The following PCDHA5 variants were observed in gnomAD, a reference collection of about 807,000 sequenced individuals.
The protein encoded by PCDHA5 is protocadherin alpha 5.
Under a neutral mutation model 61.6 loss-of-function variants are expected in PCDHA5, and 43 were observed. The observed-to-expected ratio is 0.70, with a 90% CI of 0.55 to 0.90. PCDHA5 has a LOEUF of 0.90. PCDHA5 is among the 40% of genes least tolerant of loss of function. The probability of loss-of-function intolerance (pLI) is 0.00; values close to 1 mark genes in which losing one functional copy is unlikely to be tolerated. For missense variants in PCDHA5, 1,298 were observed against 1,222.7 expected, an observed-to-expected ratio of 1.06 and a Z score of -0.92; for synonymous variants, 627 against 543.9, an observed-to-expected ratio of 1.15 and a Z score of -2.13.
intron 1 of PCDHA5, chr5:140,857,146 CGTCATTGCCCT>C: frequency 6.3e-7 from 1 of 1,598,132 alleles, no homozygotes; most frequent in Non-Finnish European, 8.6e-7. Context: ...AAGTGGGCAC[CGTCATTGCCCT>C]AATCAGCGTT....
At chr5:140,978,924 GA>G (rs781894146) in intron 1 of PCDHA5, 24 bp from the exon 2 acceptor site, 202 of 1,613,894 alleles carry the variant, frequency 1.3e-4, no homozygotes, top group Middle Eastern at 6.6e-4. Context: ...CATTTTAACA[GA>G]AAACTCTCTT....
At chr5:140,878,806 G>A (rs1413152690) in intron 1 of PCDHA5, among the ~76,000 whole-genome samples, 1 of 152,144 alleles carries the variant, frequency 6.6e-6, no homozygotes, top group African/African-American at 2.4e-5. Context: ...AAAAACATAT[G>A]GGGGTCTTGC....
At chr5:140,944,718 G>A (rs1554216523) in intron 1 of PCDHA5, among the ~76,000 whole-genome samples, 1 of 152,088 alleles carries the variant, frequency 6.6e-6, no homozygotes, top group East Asian at 1.9e-4. Flanking sequence ...TTTTGCCTTT[G>A]AACACCTTAG....
chr5:140,852,585 T>TTA (rs1554145908), intron 1 of PCDHA5: 28 of 874,450 alleles, frequency 3.2e-5, no homozygotes, highest in Admixed American at 6.4e-5. Flanking sequence ...CTTTTTTATT[T>TTA]TTTTTTTTTG....
At chr5:140,979,865 G>C (rs2096867408) in intron 2 of PCDHA5, among the ~76,000 whole-genome samples, 1 of 152,162 alleles carries the variant, frequency 6.6e-6, no homozygotes, top group Non-Finnish European at 1.5e-5. Flanking sequence ...CAAAATATCT[G>C]GGCAACTATC....
At chr5:140,925,969 A>C (rs2082842050) in intron 1 of PCDHA5, among the ~76,000 whole-genome samples, 1 of 152,172 alleles carries the variant, frequency 6.6e-6, no homozygotes, top group African/African-American at 2.4e-5. Context: ...TCACGCAAAA[A>C]AAAAGCCTTG....
At chr5:140,852,582 AT>A (rs2150518947) in intron 1 of PCDHA5, 40,508 of 639,920 alleles carry the variant, frequency 0.063, 8 homozygotes, top group South Asian at 0.073. Flanking sequence ...AGGCTTTTTT[AT>A]TTTTTTTTTT....
Position 140,875,692 on chromosome 5 carries a change from C to G in PCDHA5, c.2352+51565C>G, listed in dbSNP as rs781893034. On this transcript the variant is annotated intron_variant, in intron 1 of 3. Coordinates refer to ENST00000529859, the MANE Select transcript of PCDHA5 (RefSeq NM_018908.3). ...GGTGGCGTCCAAAAGACACGGGGAC[C>G]TTCTGGAGGTAAATCTGCAGAATGG... The G allele has an allele frequency of 3.7e-6, 6 of 1,613,938 alleles. No individual in the cohort carries two copies. In the African/African-American group the frequency reaches 5.3e-5, roughly 14 times the overall value.
chr5:140,843,272 G>T, intron 1 of PCDHA5: 1 of 1,596,120 alleles, frequency 6.3e-7, no homozygotes, highest in Non-Finnish European at 8.6e-7. Context: ...GCTGGTCCTG[G>T]TGAAGGATCA....
At chr5:140,841,906 A>G in intron 1 of PCDHA5, 1 of 1,613,880 alleles carries the variant, frequency 6.2e-7, no homozygotes, top group Non-Finnish European at 8.5e-7. Context: ...TTGAGCTCGT[A>G]TTAAGAAAAT....
chr5:140,851,489 T>A, intron 1 of PCDHA5: 1 of 887,850 alleles, frequency 1.1e-6, no homozygotes, highest in Admixed American at 6.3e-5. Context: ...AACACAGCCT[T>A]CATTTCAACT....
At position 140,821,841 on chromosome 5, in the gene PCDHA5, C is replaced by T; in HGVS notation, c.66C>T (p.Tyr22=). The change falls in exon 1 of 4, where the codon TAC becomes TAT. Residue 22 remains tyrosine (Y), a synonymous_variant. Coordinates refer to ENST00000529859, the MANE Select transcript of PCDHA5 (RefSeq NM_018908.3). ...RLLLLWLLLA[Y]WKAGSGQLHY... is the part of the protein sequence containing the mutation. ...TGCTGCTCTGGCTTCTCCTTGCCTA[C>T]TGGAAGGCAGGGAGCGGCCAGCTCC... 1 of 1,614,178 alleles carries T rather than the reference C, an allele frequency of 6.2e-7. No individual in the cohort carries two copies. Among genetic ancestry groups the T allele is most frequent in the Non-Finnish European group, 8.5e-7 (1 of 1,180,020 alleles).
At chr5:140,966,741 G>T in intron 1 of PCDHA5, 1 of 1,421,322 alleles carries the variant, frequency 7.0e-7, no homozygotes, top group Non-Finnish European at 9.1e-7. Flanking sequence ...GGCCCTGCCC[G>T]GCTGCCTCCG....
At chr5:140,872,878 C>G (rs1582101357) in intron 1 of PCDHA5, among the ~76,000 whole-genome samples, 1 of 152,160 alleles carries the variant, frequency 6.6e-6, no homozygotes, top group East Asian at 1.9e-4. Flanking sequence ...TTATCAGTTT[C>G]ATTCATCTCA....
At chr5:140,858,190 G>T in intron 1 of PCDHA5, 1 of 1,597,502 alleles carries the variant, frequency 6.3e-7, no homozygotes, top group Admixed American at 1.7e-5. Context: ...TCACGCTGCT[G>T]CTGTACACTG....
chr5:141,006,368 C>T (rs1395158727), intron 3 of PCDHA5, among the ~76,000 whole-genome samples: 2 of 152,072 alleles, frequency 1.3e-5, no homozygotes, highest in Non-Finnish European at 2.9e-5. Context: ...CCCACCACCA[C>T]GCCCGGCTAA....
At chr5:140,869,288 G>C (rs950790626) in intron 1 of PCDHA5, 2 of 1,613,578 alleles carry the variant, frequency 1.2e-6, no homozygotes, top group South Asian at 1.1e-5. Flanking sequence ...CTGGTGCAGC[G>C]CCTGTTCCGG....
chr5:140,990,694 C>T (rs549554926), intron 3 of PCDHA5, among the ~76,000 whole-genome samples: 10 of 152,108 alleles, frequency 6.6e-5, no homozygotes, highest in Non-Finnish European at 1.5e-4. Context: ...TCGGAGAGTC[C>T]AGATTTATGG....
In PCDHA5 at chr5:140,836,623, G is replaced by C. The variant is rs2150266037; in HGVS notation, c.2352+12496G>C. 44 of 1,613,510 alleles carry C rather than the reference G, an allele frequency of 2.7e-5. 1 individual carries two copies. The highest frequency in any genetic ancestry group is 4.5e-5 in the East Asian group (2 of 44,856). On this transcript the variant is annotated intron_variant, in intron 1 of 3. Transcript: ENST00000529859. ...CTGGTGTGCTCCAGCGCGGTGGGGA[G>C]CTGGTCATTCTCCCAGCAGAGGCGG...
Sources: gnomAD v4.1 joint callset for allele counts (sites outside exome capture counted in the v4.1 genomes callset) on GRCh38, gnomAD v4.1.1 for gene constraint, MANE v1.5 for transcripts, NCBI Gene and HGNC (gene_info 2026-07-23, HGNC 2026-07-21) for gene names.